The following CLTCL1 variants were observed in gnomAD, a reference collection of about 807,000 sequenced individuals.
CLTCL1 encodes clathrin heavy chain 2.
In CLTCL1, 159 loss-of-function variants were observed where a neutral mutation model predicts 190.0. The observed-to-expected ratio is 0.84, with a 90% confidence interval of 0.74 to 0.95. The LOEUF (loss-of-function observed/expected upper bound fraction) is 0.95, where lower values mean the gene tolerates loss of function less well. CLTCL1 is among the 40% of genes least tolerant of loss of function. CLTCL1 has a pLI of 0.00. For missense variants in CLTCL1, 1,878 were observed against 2,033.4 expected (o/e 0.92, Z 1.47); for synonymous variants, 752 against 769.6 (o/e 0.98, Z 0.38).
intron 27 of CLTCL1, 120 bp from the exon 28 acceptor site, chr22:19,188,211 G>T: frequency 2.4e-6 from 2 of 842,188 alleles, no homozygotes; most frequent in Non-Finnish European, 4.0e-6. Flanking sequence ...GGAGCCAAGG[G>T]CACCTTCTGG....
In CLTCL1 at chr22:19,201,492, A is replaced by G. The variant is rs112507727; in HGVS notation, c.3602T>C (p.Val1201Ala). Reference protein sequence around the residue: ...NGPNNAHIQQVGDRCYEEGMY... With the variant: ...NGPNNAHIQQAGDRCYEEGMY... ...TCCCTCCTCGTAACAGCGGTCTCCA[A>G]CCTACGGATAATAGGGTAGCTCGAC... The change falls in exon 23 of 33, where the codon GTT (valine) becomes GCT (alanine). Residue 1201 changes from valine to alanine, a missense_variant and splice_region_variant. By Grantham distance (64) the Val-to-Ala change is moderately conservative. Coordinates refer to ENST00000427926, the MANE Select transcript of CLTCL1 (RefSeq NM_007098.4). 5 of 1,611,046 alleles carry G rather than the reference A, an allele frequency of 3.1e-6. No homozygotes were observed. The highest frequency in any genetic ancestry group is 4.2e-6 in the Non-Finnish European group (5 of 1,177,794).
intron 22 of CLTCL1, among the ~76,000 whole-genome samples, chr22:19,201,924 T>C (rs1431574592): frequency 7.9e-5 from 12 of 152,112 alleles, no homozygotes; most frequent in Non-Finnish European, 1.5e-4. Flanking sequence ...TCTCTGGCAA[T>C]TTATTTGACT....
intron 10 of CLTCL1, among the ~76,000 whole-genome samples, chr22:19,230,336 T>G (rs951548197): frequency 7.2e-5 from 11 of 152,102 alleles, no homozygotes; most frequent in African/African-American, 2.2e-4. Flanking sequence ...ACTCCCGACT[T>G]CAGGTGATCC....
Position 19,254,215 on chromosome 22 carries a change from A to C in CLTCL1, c.263T>G (p.Leu88Arg). Residue 88 changes from leucine to arginine, a missense_variant, in exon 3 of 33, where the codon CTT becomes CGT. By Grantham distance (102) the Leu-to-Arg change is moderately radical (BLOSUM62 -2). Transcript: ENST00000427926. Reference sequence around the variant, plus strand: ...CTTCATCTCAATATTAAAGATCTGAAGTGTCTTCCCAGCTAGTATTTGATA... The same window carrying C: ...CTTCATCTCAATATTAAAGATCTGACGTGTCTTCCCAGCTAGTATTTGATA... ...KVIALKAGKT[L>R]QIFNIEMKSK... 1 of 1,611,796 alleles carries C rather than the reference A, an allele frequency of 6.2e-7. No individual in the cohort carries two copies. Among genetic ancestry groups the C allele is most frequent in the Non-Finnish European group, 8.5e-7 (1 of 1,177,938 alleles).
rs556351450 is a variant in CLTCL1 at position 19,222,693 on chromosome 22, G to C, written c.2409C>G (p.Tyr803Ter). ...RNNLQRYIEIYVQKVNPSRTP... is the reference protein window; with the variant it reads ...RNNLQRYIEI ...AGGGAGCCAGCAGTACCTTCTGCAC[G>C]TAGATCTCAATGTACCTCTGCAGGT... is the stretch of plus-strand genomic sequence containing the variant. Residue 803 changes from tyrosine to a stop codon, truncating the protein, a stop_gained, in exon 15 of 33, where the codon TAC (tyrosine) becomes TAG (stop). Transcript: ENST00000427926. LOFTEE classifies it high-confidence loss of function. The C allele has an allele frequency of 4.3e-5, 69 of 1,590,856 alleles. No individual in the cohort carries two copies. In the South Asian group the frequency reaches 7.5e-4, roughly 17 times the overall value.
chr22:19,223,171 G>A (rs2085630019), intron 14 of CLTCL1, among the ~76,000 whole-genome samples: 1 of 152,116 alleles, frequency 6.6e-6, no homozygotes, highest in Non-Finnish European at 1.5e-5. Flanking sequence ...GCAGCCGCAG[G>A]CCATGGAAAC....
Position 19,254,019 on chromosome 22 carries a change from C to G in CLTCL1, c.459G>C (p.Val153=). 6.2e-7 allele frequency: 1 copy of G among 1,612,822 alleles called. No individual in the cohort carries two copies. The highest frequency in any genetic ancestry group is 8.5e-7 in the Non-Finnish European group (1 of 1,179,372). Reference sequence around the variant, plus strand: ...GGTACTCATCAGTCCGGTAGTGAATCACCTGGCAGCCCACCAGACTGGTAT... The same window carrying G: ...GGTACTCATCAGTCCGGTAGTGAATGACCTGGCAGCCCACCAGACTGGTAT... ...DRHTSLVGCQ[V]IHYRTDEYQK... Residue 153 remains valine, a synonymous_variant, in exon 3 of 33, where the codon GTG becomes GTC. Coordinates refer to ENST00000427926, the MANE Select transcript of CLTCL1 (RefSeq NM_007098.4).
At chr22:19,268,074 A>G (rs1302187862) in intron 2 of CLTCL1, among the ~76,000 whole-genome samples, 1 of 152,164 alleles carries the variant, frequency 6.6e-6, no homozygotes, top group Non-Finnish European at 1.5e-5. Flanking sequence ...TCCAAAATGC[A>G]TGCTGAAACT....
chr22:19,218,806 C>T (rs2085472483), intron 18 of CLTCL1, among the ~76,000 whole-genome samples: 1 of 152,252 alleles, frequency 6.6e-6, no homozygotes, highest in Admixed American at 6.5e-5. Context: ...CCGAGGCAGA[C>T]TCCCACCTGC....
At chr22:19,234,991 T>G (rs2086035054) in intron 6 of CLTCL1, among the ~76,000 whole-genome samples, 1 of 152,232 alleles carries the variant, frequency 6.6e-6, no homozygotes, top group Non-Finnish European at 1.5e-5. Flanking sequence ...TGACAATTTT[T>G]CTTCTTAAAC....
At chr22:19,214,089 G>A (rs2085313320) in intron 19 of CLTCL1, among the ~76,000 whole-genome samples, 1 of 152,170 alleles carries the variant, frequency 6.6e-6, no homozygotes, top group African/African-American at 2.4e-5. Context: ...TTTGTCTTGA[G>A]TATCCCTGCA....
intron 28 of CLTCL1, 54 bp downstream of exon 28, chr22:19,187,927 T>C (rs1601439928): frequency 1.9e-6 from 3 of 1,540,302 alleles, no homozygotes; most frequent in South Asian, 2.2e-5. Flanking sequence ...AGAATGGCAG[T>C]TGCAGGGGAG....
intron 1 of CLTCL1, among the ~76,000 whole-genome samples, chr22:19,278,373 G>A (rs1014456861): frequency 4.6e-5 from 7 of 152,102 alleles, no homozygotes; most frequent in Non-Finnish European, 1.0e-4. Context: ...AGCACCAAGA[G>A]AGACCGTGAA....
intron 1 of CLTCL1, among the ~76,000 whole-genome samples, chr22:19,283,991 C>CA (rs1221211147): frequency 0.052 from 3,241 of 62,066 alleles, 70 homozygotes; most frequent in African/African-American, 0.11. Flanking sequence ...GACCCTGTCT[C>CA]AAAAAAAAAA....
chr22:19,253,949 C>CA lies in CLTCL1; in HGVS notation c.519+9dup, dbSNP rs2086673537. 1.9e-6 allele frequency: 3 copies of CA among 1,610,332 alleles called. No homozygotes were observed. Among genetic ancestry groups the CA allele is most frequent in the Non-Finnish European group, 2.5e-6 (3 of 1,177,420 alleles). The stretch of plus-strand genomic sequence containing the variant: ...ATCAGACCAGCCCCTAAAGGCAGCT[C>CA]AAGGCTTACCTGAGCCGAGATGCCT... On this transcript the variant is annotated intron_variant, in intron 3 of 32. Coordinates refer to ENST00000427926, the MANE Select transcript of CLTCL1 (RefSeq NM_007098.4).
intron 11 of CLTCL1, among the ~76,000 whole-genome samples, chr22:19,227,054 T>C (rs1361179830): frequency 1.3e-5 from 2 of 151,936 alleles, no homozygotes; most frequent in African/African-American, 4.8e-5. Context: ...CACATTCTTA[T>C]AGGGTTTCTA....
chr22:19,233,364 A>C (rs782055901), intron 8 of CLTCL1, 46 bp from the exon 9 acceptor site: 2 of 1,610,496 alleles, frequency 1.2e-6, no homozygotes, highest in African/African-American at 1.3e-5. Flanking sequence ...GCAGGTAGGG[A>C]GCCTGGACCA....
At chr22:19,201,149 A>G (rs1348192249) in intron 23 of CLTCL1, among the ~76,000 whole-genome samples, 180 bp downstream of exon 23, 1 of 152,252 alleles carries the variant, frequency 6.6e-6, no homozygotes, top group East Asian at 1.9e-4. Flanking sequence ...TCCACATCAG[A>G]TTCTCTGGGG....
intron 18 of CLTCL1, among the ~76,000 whole-genome samples, chr22:19,218,953 C>T (rs1333540569): frequency 6.6e-6 from 1 of 152,170 alleles, no homozygotes; most frequent in African/African-American, 2.4e-5. Context: ...TACTTCACCT[C>T]TGTCCACGAG....
Sources: allele counts gnomAD v4.1 joint callset (sites outside exome capture counted in the v4.1 genomes callset), GRCh38; gene constraint gnomAD v4.1.1; transcripts MANE v1.5; gene names NCBI Gene and HGNC (gene_info 2026-07-23, HGNC 2026-07-21).